The following DAPK1 variants were observed in gnomAD, a reference collection of about 807,000 sequenced individuals.
DAPK1 encodes the protein death-associated protein kinase 1.
DAPK1 carries 56 observed loss-of-function variants against 144.9 expected under a neutral mutation model. That is an observed-to-expected ratio of 0.39 (90% CI 0.31 to 0.48). The LOEUF is 0.48. DAPK1 is among the 20% of genes least tolerant of loss of function. The pLI is 0.95. For synonymous variants in DAPK1, 690 were observed against 749.0 expected (o/e 0.92, Z 1.29); for missense variants, 1,454 against 1,875.4 (o/e 0.78, Z 4.15).
At chr9:87,636,256 G>T (rs1177027735) in intron 3 of DAPK1, among the ~76,000 whole-genome samples, 2 of 152,152 alleles carry the variant, frequency 1.3e-5, no homozygotes, top group Admixed American at 1.3e-4. Context: ...TGTCCTGGCT[G>T]GGCCCAGGCC....
chr9:87,497,251 C>T (rs1409639688), upstream of DAPK1: 1 of 152,202 alleles, frequency 6.6e-6, no homozygotes, highest in Non-Finnish European at 1.5e-5. Flanking sequence ...ACCTTCTTGC[C>T]TTCAAGCCTC....
At chr9:87,549,171 A>G (rs1201931709) in intron 2 of DAPK1, among the ~76,000 whole-genome samples, 1 of 151,930 alleles carries the variant, frequency 6.6e-6, no homozygotes, top group Non-Finnish European at 1.5e-5. Context: ...GCTCCCACTT[A>G]CAAGTGAGAA....
At chr9:87,613,734 A>G (rs1225984483) in intron 3 of DAPK1, among the ~76,000 whole-genome samples, 1 of 152,182 alleles carries the variant, frequency 6.6e-6, no homozygotes, top group African/African-American at 2.4e-5. Context: ...GACTTAGGGA[A>G]GCTGATAAAT....
In DAPK1 at chr9:87,648,189, T is replaced by G. The variant is rs144543401; in HGVS notation, c.1330-592T>G. Among the ~76,000 whole-genome samples the G allele has an allele frequency of 1.4e-3, 210 of 152,350 alleles. 2 individuals carry two copies. The highest frequency in any genetic ancestry group is 4.9e-3 in the African/African-American group (202 of 41,576). On this transcript the variant is annotated intron_variant, in intron 14 of 25. Transcript: ENST00000408954. Reference sequence around the variant, plus strand: ...GGTGGCAACACTATATCTTGTTTTGTCTTCTTAAAATTTGTTTATTCTGAT... The same window carrying G: ...GGTGGCAACACTATATCTTGTTTTGGCTTCTTAAAATTTGTTTATTCTGAT...
intron 2 of DAPK1, among the ~76,000 whole-genome samples, chr9:87,566,073 T>A: frequency 6.8e-6 from 1 of 147,932 alleles, no homozygotes; most frequent in East Asian, 2.0e-4. Context: ...CAGGCTGGAG[T>A]GCAGTGGCAC....
intron 2 of DAPK1, among the ~76,000 whole-genome samples, chr9:87,602,741 C>T (rs1021350732): frequency 2.0e-5 from 3 of 152,102 alleles, no homozygotes; most frequent in African/African-American, 7.2e-5. Context: ...TCAAGCAATT[C>T]TCCTGCCTCA....
intron 18 of DAPK1, among the ~76,000 whole-genome samples, chr9:87,661,987 G>A (rs1267811445): frequency 6.6e-6 from 1 of 152,140 alleles, no homozygotes; most frequent in Non-Finnish European, 1.5e-5. Flanking sequence ...TCTATCTTGA[G>A]TTGACTTCTG....
intron 3 of DAPK1, among the ~76,000 whole-genome samples, chr9:87,614,853 G>T (rs943687306): frequency 6.6e-6 from 1 of 152,136 alleles, no homozygotes; most frequent in Non-Finnish European, 1.5e-5. Context: ...TGGTGGTCAG[G>T]CTCCACTCAA....
rs866391779 is a variant in DAPK1, at chr9:87,498,372, G to C, written c.-109+265G>C. Among the ~76,000 whole-genome samples, 20 of 152,266 alleles carry C rather than the reference G, an allele frequency of 1.3e-4. No individual in the cohort carries two copies. In the Middle Eastern group the frequency reaches 0.014, roughly 104 times the overall value. ...GATCTGGAGCGAACTGCTGCGCCTCGGTGGGCCGCTCCCTTCCCTCCCTTG... is the reference window on the plus strand; with the variant it reads ...GATCTGGAGCGAACTGCTGCGCCTCCGTGGGCCGCTCCCTTCCCTCCCTTG... On this transcript the variant is annotated intron_variant, in intron 1 of 25. Transcript: ENST00000408954.
At chr9:87,519,332 G>A (rs972996692) in intron 2 of DAPK1, among the ~76,000 whole-genome samples, 2 of 152,230 alleles carry the variant, frequency 1.3e-5, no homozygotes, top group Non-Finnish European at 1.5e-5. Flanking sequence ...GGAATAGACA[G>A]GAGTGGTATT....
intron 3 of DAPK1, among the ~76,000 whole-genome samples, chr9:87,619,242 C>T (rs1476887263): frequency 6.6e-6 from 1 of 152,094 alleles, no homozygotes. Flanking sequence ...AGGCGTGTGT[C>T]GATTATAGCA....
chr9:87,548,795 T>C (rs560759669), intron 2 of DAPK1, among the ~76,000 whole-genome samples: 29 of 152,170 alleles, frequency 1.9e-4, no homozygotes, highest in African/African-American at 6.5e-4. Context: ...AGTCTTCCTG[T>C]GTATGTTTGA....
intron 17 of DAPK1, among the ~76,000 whole-genome samples, chr9:87,653,511 ATG>A (rs144275116): frequency 5.5e-4 from 83 of 150,274 alleles, no homozygotes; most frequent in African/African-American, 1.5e-3. Context: ...GTGTGTATGT[ATG>A]TGTGTGTGTG....
chr9:87,525,568 A>C, intron 2 of DAPK1: 1 of 886,206 alleles, frequency 1.1e-6, no homozygotes, highest in Non-Finnish European at 1.8e-6. Context: ...AAAAAACAAC[A>C]ACAAAAAATG....
At chr9:87,606,415 G>A (rs982305161) in intron 3 of DAPK1, among the ~76,000 whole-genome samples, 6 of 152,220 alleles carry the variant, frequency 3.9e-5, no homozygotes, top group Non-Finnish European at 5.9e-5. Flanking sequence ...CTAACACTGT[G>A]CTGGTTGGTA....
At chr9:87,685,007 C>T (rs905072919) in intron 20 of DAPK1, among the ~76,000 whole-genome samples, 6 of 152,224 alleles carry the variant, frequency 3.9e-5, no homozygotes, top group Non-Finnish European at 5.9e-5. Flanking sequence ...CACCCAGACA[C>T]AAATTCCAGG....
intron 2 of DAPK1, among the ~76,000 whole-genome samples, chr9:87,595,833 C>A (rs1828296080): frequency 6.6e-6 from 1 of 152,178 alleles, no homozygotes; most frequent in African/African-American, 2.4e-5. Flanking sequence ...TGCTGTTTAT[C>A]CCCTCAGTAA....
chr9:87,683,723 G>T (rs866493092), intron 20 of DAPK1, among the ~76,000 whole-genome samples: 1 of 152,158 alleles, frequency 6.6e-6, no homozygotes, highest in Non-Finnish European at 1.5e-5. Flanking sequence ...GTGGCTCTGG[G>T]TGACCCTTTT....
chr9:87,511,682 G>GTGTGTGTGTA (rs1267504601), intron 2 of DAPK1, among the ~76,000 whole-genome samples: 1 of 140,782 alleles, frequency 7.1e-6, no homozygotes, highest in African/African-American at 3.0e-5. Flanking sequence ...GTGTGTGTGT[G>GTGTGTGTGTA]TGTGTGTGTG....
Sources: gnomAD v4.1 joint callset for allele counts (sites outside exome capture counted in the v4.1 genomes callset) on GRCh38, gnomAD v4.1.1 for gene constraint, MANE v1.5 for transcripts, NCBI Gene and HGNC (gene_info 2026-07-23, HGNC 2026-07-21) for gene names.